The following CAMK1G variants were observed in gnomAD, a reference collection of about 807,000 sequenced individuals.
CAMK1G encodes the protein calcium/calmodulin dependent protein kinase IG.
Under a neutral mutation model 54.8 loss-of-function variants are expected in CAMK1G, and 27 were observed. That is an observed-to-expected ratio of 0.49 (90% CI 0.36 to 0.68). The LOEUF (loss-of-function observed/expected upper bound fraction) is 0.68. Ranked by LOEUF, CAMK1G falls within the 30% of genes least tolerant of loss-of-function variation. CAMK1G has a pLI of 0.00. For missense variants in CAMK1G, 512 were observed against 591.0 expected (o/e 0.87, Z 1.39); for synonymous variants, 238 against 224.9 (o/e 1.06, Z -0.52).
intron 3 of CAMK1G, among the ~76,000 whole-genome samples, chr1:209,601,754 AAAG>A (rs1170583130): frequency 3.9e-5 from 6 of 152,254 alleles, no homozygotes; most frequent in African/African-American, 1.4e-4. Flanking sequence ...AAAATATCGT[AAAG>A]AAGATAGCTA....
chr1:209,609,392 C>T (rs1198639935), intron 8 of CAMK1G, among the ~76,000 whole-genome samples: 1 of 152,152 alleles, frequency 6.6e-6, no homozygotes, highest in Non-Finnish European at 1.5e-5. Context: ...GGGAGAGTTC[C>T]AGACAAGAGC....
chr1:209,611,381 C>A, intron 9 of CAMK1G, 84 bp from the exon 10 acceptor site: 2 of 1,252,544 alleles, frequency 1.6e-6, no homozygotes, highest in Non-Finnish European at 2.3e-6. Flanking sequence ...CCAGCTCTCA[C>A]CTAGACCTGC....
At chr1:209,608,952 A>G in intron 7 of CAMK1G, 28 bp from the exon 8 acceptor site, 1 of 1,613,392 alleles carries the variant, frequency 6.2e-7, no homozygotes, top group South Asian at 1.1e-5. Context: ...TTTGTTCAGT[A>G]GTATGCCTCC....
At chr1:209,590,259 C>A (rs576698656) in intron 1 of CAMK1G, among the ~76,000 whole-genome samples, 1 of 152,252 alleles carries the variant, frequency 6.6e-6, no homozygotes, top group South Asian at 2.1e-4. Flanking sequence ...CAGGATGCAG[C>A]CATGGAAGGA....
At chr1:209,598,261 T>G (rs1348099451) in intron 2 of CAMK1G, among the ~76,000 whole-genome samples, 1 of 152,230 alleles carries the variant, frequency 6.6e-6, no homozygotes, top group African/African-American at 2.4e-5. Flanking sequence ...AGGTTCTCTC[T>G]TTTGTCTTTG....
Position 209,603,197 on chromosome 1 carries a change from C to A in CAMK1G, c.222-17C>A. On this transcript the variant is annotated splice_polypyrimidine_tract_variant and intron_variant, in intron 3 of 12. Transcript: ENST00000361322. ...CCTGAACCACATACCTTTCATCATGCACTTTATTTTTCCCAGGATCAAGCA... is the reference window on the plus strand; with the variant it reads ...CCTGAACCACATACCTTTCATCATGAACTTTATTTTTCCCAGGATCAAGCA... The A allele has an allele frequency of 6.2e-7, 1 of 1,613,806 alleles. No individual in the cohort carries two copies.
In CAMK1G at chr1:209,595,627, A is replaced by G. The variant is rs1026794595; in HGVS notation, c.92+552A>G. ...AACTTTCCCAGTCTCCTCCCCCAGC[A>G]TCTTCATTTCTCCAGCAGTGAACAA... On this transcript the variant is annotated intron_variant, in intron 2 of 12. Coordinates refer to ENST00000361322, the MANE Select transcript of CAMK1G (RefSeq NM_020439.3). 3.3e-5 allele frequency among the ~76,000 whole-genome samples: 5 copies of G among 152,100 alleles called. No individual in the cohort carries two copies. The East Asian group carries it at 9.6e-4, about 29-fold the overall frequency.
At position 209,609,718 on chromosome 1, in the gene CAMK1G, T is replaced by C. The variant is rs551509023; in HGVS notation, c.749-133T>C. 9.4e-6 allele frequency: 8 copies of C among 852,150 alleles called. No homozygotes were observed. In the East Asian group the frequency reaches 1.3e-4, roughly 14 times the overall value. The allele number at this position is 852,150 out of a possible 1,614,324, so 52.8% of individuals were successfully genotyped here. The stretch of plus-strand genomic sequence containing the variant: ...GTGGTTTGGATTTTTTTTCCTCTTC[T>C]AAGACTCTTAAAATTGCCTCTTTGG... On this transcript the variant is annotated intron_variant, in intron 8 of 12. Coordinates refer to ENST00000361322, the MANE Select transcript of CAMK1G (RefSeq NM_020439.3).
At chr1:209,600,784 A>G (rs914824773) in intron 3 of CAMK1G, among the ~76,000 whole-genome samples, 36 of 152,344 alleles carry the variant, frequency 2.4e-4, no homozygotes, top group Admixed American at 1.4e-3. Context: ...TATGAGTATG[A>G]GTTATTGGAC....
intron 1 of CAMK1G, among the ~76,000 whole-genome samples, chr1:209,588,889 C>T (rs975356691): frequency 6.6e-6 from 1 of 152,216 alleles, no homozygotes; most frequent in Admixed American, 6.5e-5. Context: ...ATGGAAAGGG[C>T]TGCACTCAGA....
chr1:209,608,166 G>A (rs138965912), intron 7 of CAMK1G, among the ~76,000 whole-genome samples: 366 of 152,206 alleles, frequency 2.4e-3, no homozygotes, highest in African/African-American at 7.8e-3. Flanking sequence ...AGAGCTCAGC[G>A]TGAATCCACT....
intron 2 of CAMK1G, 118 bp downstream of exon 2, chr1:209,595,193 C>T (rs370010915): frequency 1.3e-4 from 93 of 725,100 alleles, no homozygotes; most frequent in East Asian, 1.1e-3. Flanking sequence ...GACTTCATTT[C>T]GATTTATTTA....
chr1:209,585,444 G>A (rs762445105), intron 1 of CAMK1G, among the ~76,000 whole-genome samples: 7 of 152,224 alleles, frequency 4.6e-5, no homozygotes, highest in Non-Finnish European at 1.0e-4. Context: ...AGGTTATGTG[G>A]TACAGTGACG....
chr1:209,596,236 T>C (rs948953116), intron 2 of CAMK1G, among the ~76,000 whole-genome samples: 1 of 152,180 alleles, frequency 6.6e-6, no homozygotes, highest in East Asian at 1.9e-4. Context: ...CATGAGAGCA[T>C]TGGCCTTCCA....
chr1:209,602,021 C>G (rs1665542046), intron 3 of CAMK1G, among the ~76,000 whole-genome samples: 1 of 152,166 alleles, frequency 6.6e-6, no homozygotes, highest in South Asian at 2.1e-4. Context: ...AGAATTTCCT[C>G]CTTTACAGGC....
At chr1:209,602,144 C>G (rs1213598736) in intron 3 of CAMK1G, among the ~76,000 whole-genome samples, 2 of 152,180 alleles carry the variant, frequency 1.3e-5, no homozygotes, top group African/African-American at 4.8e-5. Context: ...GACTTCTCCA[C>G]CATGATGCTG....
intron 3 of CAMK1G, among the ~76,000 whole-genome samples, chr1:209,602,724 T>G (rs1665559867): frequency 6.6e-6 from 1 of 152,242 alleles, no homozygotes; most frequent in Admixed American, 6.5e-5. Context: ...GAACTTCATG[T>G]TTAGACTTGG....
At chr1:209,586,352 C>G (rs1665102019) in intron 1 of CAMK1G, among the ~76,000 whole-genome samples, 1 of 152,136 alleles carries the variant, frequency 6.6e-6, no homozygotes, top group African/African-American at 2.4e-5. Flanking sequence ...ATTATTTCCT[C>G]TCTTGTTGCA....
chr1:209,586,813 G>T (rs2102378974), intron 1 of CAMK1G, among the ~76,000 whole-genome samples: 1 of 152,204 alleles, frequency 6.6e-6, no homozygotes, highest in South Asian at 2.1e-4. Context: ...TCTCTACAAT[G>T]GCCCCTGTGT....
Sources: allele counts gnomAD v4.1 joint callset (sites outside exome capture counted in the v4.1 genomes callset), GRCh38; gene constraint gnomAD v4.1.1; transcripts MANE v1.5; gene names NCBI Gene and HGNC (gene_info 2026-07-23, HGNC 2026-07-21).